The following PAK5 variants were observed in gnomAD, a reference collection of about 807,000 sequenced individuals.
PAK5 encodes p21 (RAC1) activated kinase 5, also known as serine/threonine-protein kinase PAK 5.
A neutral mutation model predicts 65.9 loss-of-function variants in PAK5; 16 were observed. The ratio of observed to expected loss-of-function variants is 0.24; its 90% CI spans 0.16 to 0.37. The LOEUF (loss-of-function observed/expected upper bound fraction) is 0.37. Among genes scored for constraint, PAK5 ranks in the 10% least tolerant of loss-of-function variants. The pLI, the probability that PAK5 is intolerant of heterozygous loss-of-function variation, is 1.00. For synonymous variants in PAK5, 371 were observed against 354.9 expected (o/e 1.05, Z -0.51); for missense variants, 785 against 903.9 (o/e 0.87, Z 1.69).
chr20:9,643,365 T>C (rs1569016717), intron 3 of PAK5, among the ~76,000 whole-genome samples: 1 of 152,256 alleles, frequency 6.6e-6, no homozygotes, highest in South Asian at 2.1e-4. Flanking sequence ...CCCTGGATTT[T>C]CTTTGTAGTA....
intron 2 of PAK5, among the ~76,000 whole-genome samples, chr20:9,674,758 A>G (rs2047546477): frequency 6.6e-6 from 1 of 152,226 alleles, no homozygotes; most frequent in Non-Finnish European, 1.5e-5. Flanking sequence ...GCTGGAGTCT[A>G]GTCTCAGTCT....
intron 3 of PAK5, among the ~76,000 whole-genome samples, chr20:9,583,427 C>T (rs1266160320): frequency 6.6e-6 from 1 of 152,182 alleles, no homozygotes; most frequent in Non-Finnish European, 1.5e-5. Flanking sequence ...ACTCAAGTAC[C>T]ATGTTTAAGT....
intron 3 of PAK5, among the ~76,000 whole-genome samples, chr20:9,638,603 G>C (rs554233658): frequency 1.2e-4 from 19 of 152,310 alleles, no homozygotes; most frequent in African/African-American, 4.6e-4. Context: ...CCCCATCCCA[G>C]TTCTACTGAA....
chr20:9,715,181 A>G (rs1248417971), intron 1 of PAK5, among the ~76,000 whole-genome samples: 2 of 152,194 alleles, frequency 1.3e-5, no homozygotes, highest in Admixed American at 1.3e-4. Context: ...TCTACAAAGA[A>G]CTCAAACAAA....
At chr20:9,806,724 C>A (rs2049236829) in intron 1 of PAK5, among the ~76,000 whole-genome samples, 1 of 152,128 alleles carries the variant, frequency 6.6e-6, no homozygotes, top group Non-Finnish European at 1.5e-5. Flanking sequence ...ATAAGAGAAC[C>A]TAGCATGACT....
chr20:9,539,847 A>G (rs548122705), intron 9 of PAK5, among the ~76,000 whole-genome samples: 1 of 152,360 alleles, frequency 6.6e-6, no homozygotes, highest in East Asian at 1.9e-4. Flanking sequence ...ACTAAGAATG[A>G]AAACTTATTT....
At chr20:9,590,297 A>G (rs1283058005) in intron 3 of PAK5, among the ~76,000 whole-genome samples, 1 of 152,204 alleles carries the variant, frequency 6.6e-6, no homozygotes, top group Non-Finnish European at 1.5e-5. Flanking sequence ...TGCTACTAGG[A>G]AATGTAAAAT....
At chr20:9,642,661 A>G (rs1216313934) in intron 3 of PAK5, among the ~76,000 whole-genome samples, 2 of 152,212 alleles carry the variant, frequency 1.3e-5, no homozygotes, top group Non-Finnish European at 2.9e-5. Context: ...GCCTTCTCTT[A>G]GGGAGAAAAT....
At chr20:9,671,025 T>C (rs1268610236) in intron 2 of PAK5, among the ~76,000 whole-genome samples, 3 of 152,226 alleles carry the variant, frequency 2.0e-5, no homozygotes. Context: ...ATTTATTAAA[T>C]AGGGAATCCT....
intron 2 of PAK5, among the ~76,000 whole-genome samples, chr20:9,683,998 G>A (rs958214820): frequency 1.8e-4 from 28 of 152,248 alleles, no homozygotes; most frequent in Non-Finnish European, 3.1e-4. Context: ...AGTTCTCTGC[G>A]GACAGAGGAG....
At position 9,580,672 on chromosome 20, in the gene PAK5, C is replaced by A. The variant is rs753315436; in HGVS notation, c.463G>T (p.Asp155Tyr). Residue 155 changes from aspartate (D) to tyrosine (Y), a missense_variant, in exon 4 of 10, where the codon GAT (aspartate) becomes TAT (tyrosine). Physicochemically the swap from Asp to Tyr is radical, Grantham distance 160. Around this residue, in one of 4 missense-constraint regions of PAK5, gnomAD observed 422 missense variants for 413.3 expected, o/e 1.02. Transcript: ENST00000353224. ...KYREKSLYGD[D>Y]LDPYYRGSHA... ...CTGCCTCTATAATACGGATCCAGAT[C>A]ATCTCCATAGAGACTCTTCTCCCTG... The A allele has an allele frequency of 2.5e-6, 4 of 1,614,038 alleles. No individual in the cohort carries two copies. In the African/African-American group the frequency reaches 4.0e-5, roughly 16 times the overall value.
chr20:9,752,115 GAGTCC>G (rs2048583901), intron 1 of PAK5, among the ~76,000 whole-genome samples: 1 of 152,114 alleles, frequency 6.6e-6, no homozygotes, highest in Non-Finnish European at 1.5e-5. Flanking sequence ...GTAATCAGGG[GAGTCC>G]TGCTTGACAT....
At chr20:9,574,149 A>G (rs2045842997) in intron 4 of PAK5, among the ~76,000 whole-genome samples, 1 of 152,156 alleles carries the variant, frequency 6.6e-6, no homozygotes, top group Non-Finnish European at 1.5e-5. Context: ...TAGGGACAGG[A>G]TAGAGACTGG....
chr20:9,773,945 T>C (rs569203053), intron 1 of PAK5, among the ~76,000 whole-genome samples: 2 of 152,322 alleles, frequency 1.3e-5, no homozygotes, highest in South Asian at 4.1e-4. Context: ...TGTTTTCTCA[T>C]ACTGGACAGA....
chr20:9,629,872 G>C lies in PAK5; in HGVS notation c.204+14253C>G, dbSNP rs1005219102. Among the ~76,000 whole-genome samples, 5 of 152,206 alleles carry C rather than the reference G, an allele frequency of 3.3e-5. No individual in the cohort carries two copies. In the South Asian group the frequency reaches 1.0e-3, roughly 32 times the overall value. The stretch of plus-strand genomic sequence containing the variant: ...ATGGTAGAAAAAGCCTAAATGACAT[G>C]AACAGACTCAGAGTAGAAAACTGGA... On this transcript the variant is annotated intron_variant, in intron 3 of 9. Transcript: ENST00000353224.
In PAK5 at chr20:9,741,419, T is replaced by C. The variant is rs560456799; in HGVS notation, c.-161-29984A>G. Among the ~76,000 whole-genome samples, 237 of 152,290 alleles carry C rather than the reference T, an allele frequency of 1.6e-3. 1 individual carries two copies. Among genetic ancestry groups the C allele is most frequent in the African/African-American group, 5.4e-3 (225 of 41,564 alleles). ...CACAGTCCCGGGAGGAATCTAAGTATGTCTAGCACGGTTAGCAATAACGCT... is the reference window on the plus strand; with the variant it reads ...CACAGTCCCGGGAGGAATCTAAGTACGTCTAGCACGGTTAGCAATAACGCT... On this transcript the variant is annotated intron_variant, in intron 1 of 9. Coordinates refer to ENST00000353224, the MANE Select transcript of PAK5 (RefSeq NM_177990.4).
intron 9 of PAK5, 114 bp downstream of exon 9, chr20:9,542,472 T>C: frequency 1.9e-6 from 2 of 1,043,652 alleles, no homozygotes; most frequent in East Asian, 2.4e-5. Flanking sequence ...CCAAAGTCCA[T>C]GCTCATAAAC....
At chr20:9,678,360 G>C (rs976241936) in intron 2 of PAK5, among the ~76,000 whole-genome samples, 5 of 152,218 alleles carry the variant, frequency 3.3e-5, no homozygotes, top group African/African-American at 1.2e-4. Flanking sequence ...GAGGTCAGGA[G>C]AGCAAGACCA....
chr20:9,731,427 C>A (rs1448213939), intron 1 of PAK5, among the ~76,000 whole-genome samples: 2 of 152,022 alleles, frequency 1.3e-5, no homozygotes, highest in Non-Finnish European at 2.9e-5. Context: ...GTGTTTTATG[C>A]TTTCAGCACA....
Sources: gnomAD v4.1 joint callset for allele counts (sites outside exome capture counted in the v4.1 genomes callset) on GRCh38, gnomAD v4.1.1 for gene constraint, gnomAD v4.1.1 regional missense constraint, MANE v1.5 for transcripts, NCBI Gene and HGNC (gene_info 2026-07-23, HGNC 2026-07-21) for gene names.